The following SLC7A10 variants were observed in gnomAD, a reference collection of about 807,000 sequenced individuals.
The protein encoded by SLC7A10 is solute carrier family 7 member 10, also known as asc-type amino acid transporter 1.
Under a neutral mutation model 52.7 loss-of-function variants are expected in SLC7A10, and 30 were observed. That is an observed-to-expected ratio of 0.57 (90% CI 0.43 to 0.77). SLC7A10 has a LOEUF of 0.77. SLC7A10 is among the 30% of genes least tolerant of loss of function. The probability of loss-of-function intolerance (pLI) is 0.00; values close to 1 mark genes in which losing one functional copy is unlikely to be tolerated. For missense variants in SLC7A10, 581 were observed against 698.5 expected (o/e 0.83, Z 1.90); for synonymous variants, 318 against 314.9 (o/e 1.01, Z -0.10).
rs567892946 is a variant in SLC7A10 at position 33,216,208 on chromosome 19, C to T, written c.152-235G>A. 1.6e-4 allele frequency among the ~76,000 whole-genome samples: 24 copies of T among 152,316 alleles called. No individual in the cohort carries two copies. In the East Asian group the frequency reaches 2.5e-3, roughly 16 times the overall value. On this transcript the variant is annotated intron_variant, in intron 1 of 10. Transcript: ENST00000253188. ...GTCCCTCACATAGGAAATGGCACCTCGTTCAGCTGGCCAGGCCCCTCTGCC... is the reference window on the plus strand; with the variant it reads ...GTCCCTCACATAGGAAATGGCACCTTGTTCAGCTGGCCAGGCCCCTCTGCC...
chr19:33,218,349 G>A (rs1007872317), intron 1 of SLC7A10, among the ~76,000 whole-genome samples: 1 of 152,240 alleles, frequency 6.6e-6, no homozygotes, highest in African/African-American at 2.4e-5. Flanking sequence ...TCAGGCCACA[G>A]TTCAGGACTT....
rs764768779 is a variant in SLC7A10, at chr19:33,225,616, C to A, written c.88G>T (p.Ala30Ser). The A allele has an allele frequency of 9.4e-6, 15 of 1,592,948 alleles. No individual in the cohort carries two copies. The highest frequency in any genetic ancestry group is 1.1e-5 in the Non-Finnish European group (13 of 1,178,142). Residue 30 changes from alanine to serine, a missense_variant, in exon 1 of 11, where the codon GCC becomes TCC. Coordinates refer to ENST00000253188, the MANE Select transcript of SLC7A10 (RefSeq NM_019849.3). ...TTCTTGAGCGCCACCCGCTCCGAGG[C>A]GCCGGGGACGGTCCCTGGGACTGGG... The part of the protein sequence containing the change: ...PSPVPGTVPG[A>S]SERVALKKEI...
intron 1 of SLC7A10, chr19:33,217,997 C>T (rs1488549590): frequency 6.6e-6 from 1 of 152,300 alleles, no homozygotes; most frequent in East Asian, 1.9e-4. Flanking sequence ...TCTAAAGAGC[C>T]TTTGAGTTCC....
chr19:33,209,728 G>A lies in SLC7A10; in HGVS notation c.1264-243C>T, dbSNP rs1037109509. Among the ~76,000 whole-genome samples, 9 of 152,256 alleles carry A rather than the reference G, an allele frequency of 5.9e-5. No individual in the cohort carries two copies. The East Asian group carries it at 1.2e-3, about 20-fold the overall frequency. On this transcript the variant is annotated intron_variant, in intron 9 of 10. Coordinates refer to ENST00000253188, the MANE Select transcript of SLC7A10 (RefSeq NM_019849.3). ...TCAGCGGCACCGAGCTCCACACAGCGGTTGCGTGTGGACTTGAGGCTTGCA... is the reference window on the plus strand; with the variant it reads ...TCAGCGGCACCGAGCTCCACACAGCAGTTGCGTGTGGACTTGAGGCTTGCA...
Position 33,212,501 on chromosome 19 carries a change from G to A in SLC7A10, c.634+13C>T, listed in dbSNP as rs368280174. On this transcript the variant is annotated intron_variant, in intron 4 of 10. Transcript: ENST00000253188. ...ATCTCCCCAGCCCGGCCCTTACCCC[G>A]ACTCGGCCCTACCTTGGAAGATCTG... 1.6e-5 allele frequency: 26 copies of A among 1,613,800 alleles called. No individual in the cohort carries two copies. The highest frequency in any genetic ancestry group is 4.0e-5 in the African/African-American group (3 of 74,938).
chr19:33,209,005 C>G lies in SLC7A10; in HGVS notation c.1458G>C (p.Trp486Cys). 6.2e-7 allele frequency: 1 copy of G among 1,613,766 alleles called. No homozygotes were observed. The change falls in exon 11 of 11, where the codon TGG (tryptophan) becomes TGC (cysteine). Residue 486 changes from tryptophan (W) to cysteine (C), a missense_variant. Coordinates refer to ENST00000253188, the MANE Select transcript of SLC7A10 (RefSeq NM_019849.3). The part of the protein sequence containing the change: ...VHRLTESMTH[W>C]GQELCFVVYP... ...AGACCACGAAACACAGCTCCTGGCC[C>G]CAGTGTGTCATGGACTCTGAGGACA...
intron 1 of SLC7A10, among the ~76,000 whole-genome samples, chr19:33,218,582 G>A (rs1302702352): frequency 6.6e-6 from 1 of 151,844 alleles, no homozygotes; most frequent in East Asian, 1.9e-4. Context: ...TGGGCACGGA[G>A]GAGGGAGGGG....
At position 33,211,206 on chromosome 19, in the gene SLC7A10, G is replaced by A. The variant is rs374488923; in HGVS notation, c.1016+19C>T. ...CCCAGCCTTCCCTCCCCATGCCCAC[G>A]TCTCCCCAGTGCAGTCACCTGGAGT... On this transcript the variant is annotated intron_variant, in intron 7 of 10. Coordinates refer to ENST00000253188, the MANE Select transcript of SLC7A10 (RefSeq NM_019849.3). The A allele has an allele frequency of 3.1e-5, 50 of 1,609,642 alleles. No individual in the cohort carries two copies. The highest frequency in any genetic ancestry group is 2.7e-4 in the East Asian group (12 of 44,860).
At chr19:33,211,831 C>T in intron 5 of SLC7A10, 1 of 513,358 alleles carries the variant, frequency 1.9e-6, no homozygotes, top group Non-Finnish European at 3.5e-6. Context: ...CAAAATCAGC[C>T]TGGAAAATTC....
chr19:33,223,363 C>T (rs1420098309), intron 1 of SLC7A10, among the ~76,000 whole-genome samples: 1 of 151,236 alleles, frequency 6.6e-6, no homozygotes, highest in East Asian at 1.9e-4. Flanking sequence ...GGAAGCAGGA[C>T]GTCAAGTTCT....
intron 1 of SLC7A10, among the ~76,000 whole-genome samples, chr19:33,224,547 G>T (rs921839128): frequency 6.6e-6 from 1 of 152,110 alleles, no homozygotes; most frequent in Non-Finnish European, 1.5e-5. Context: ...GTCTGAGGGT[G>T]GGAAGGCAGT....
chr19:33,220,520 ACT>A (rs1287138675), intron 1 of SLC7A10, among the ~76,000 whole-genome samples: 1 of 151,916 alleles, frequency 6.6e-6, no homozygotes, highest in Non-Finnish European at 1.5e-5. Flanking sequence ...ATCTTGCTTG[ACT>A]TCCAGACACT....
At chr19:33,216,820 T>G (rs1974696204) in intron 1 of SLC7A10, among the ~76,000 whole-genome samples, 1 of 151,960 alleles carries the variant, frequency 6.6e-6, no homozygotes, top group East Asian at 1.9e-4. Flanking sequence ...CTGCAAGTGA[T>G]CCACCCGCCT....
chr19:33,215,225 G>A (rs573567635), intron 2 of SLC7A10, among the ~76,000 whole-genome samples: 41 of 144,840 alleles, frequency 2.8e-4, no homozygotes, highest in Admixed American at 2.3e-3. Context: ...CTGAGATCAC[G>A]CCATTGCACT....
chr19:33,215,750 G>A lies in SLC7A10; in HGVS notation c.356+19C>T, dbSNP rs1200023368. On this transcript the variant is annotated intron_variant, in intron 2 of 10. Coordinates refer to ENST00000253188, the MANE Select transcript of SLC7A10 (RefSeq NM_019849.3). ...TTCCCAAGAGGGTGTCCCCCTGCCCGCTGGTGCCCCACACTCACCCAGCCA... is the reference window on the plus strand; with the variant it reads ...TTCCCAAGAGGGTGTCCCCCTGCCCACTGGTGCCCCACACTCACCCAGCCA... 1.2e-5 allele frequency: 19 copies of A among 1,548,904 alleles called. No individual in the cohort carries two copies. Among genetic ancestry groups the A allele is most frequent in the East Asian group, 9.8e-5 (4 of 40,930 alleles).
chr19:33,225,718 G>A lies in SLC7A10; in HGVS notation c.-15C>T. The stretch of plus-strand genomic sequence containing the variant: ...TGGCCGGCCATGTCGCTGTCCCGCC[G>A]CGTCCCCGCTCCCTGCGCTGCCCCG... On this transcript the variant is annotated 5_prime_UTR_variant, in exon 1 of 11. Transcript: ENST00000253188. The A allele has an allele frequency of 6.6e-7, 1 of 1,510,280 alleles. No individual in the cohort carries two copies. Among genetic ancestry groups the A allele is most frequent in the South Asian group, 1.2e-5 (1 of 81,628 alleles). The allele number at this position is 1,510,280 out of a possible 1,614,324, so 93.6% of individuals were successfully genotyped here.
Position 33,209,468 on chromosome 19 carries a change from G to A in SLC7A10, c.1281C>T (p.Pro427=), listed in dbSNP as rs755736645. 16 of 1,613,770 alleles carry A rather than the reference G, an allele frequency of 9.9e-6. No individual in the cohort carries two copies. The Admixed American group carries it at 1.5e-4, about 15-fold the overall frequency. Residue 427 remains proline, a synonymous_variant, in exon 10 of 11, where the codon CCC becomes CCT. Coordinates refer to ENST00000253188, the MANE Select transcript of SLC7A10 (RefSeq NM_019849.3). Reference sequence around the variant, plus strand: ...AGGCCCAGAAGACCAAGTACGCCACGGGGATGAGAAGGTTCACCTGGGGAA... The same window carrying A: ...AGGCCCAGAAGACCAAGTACGCCACAGGGATGAGAAGGTTCACCTGGGGAA... ...HRPIKVNLLI[P]VAYLVFWAFL...
chr19:33,215,738 G>A, intron 2 of SLC7A10, 31 bp downstream of exon 2: 1 of 1,543,716 alleles, frequency 6.5e-7, no homozygotes, highest in Non-Finnish European at 8.7e-7. Context: ...CCAAGAGGGT[G>A]TCCCCCTGCC....
At chr19:33,215,136 C>T (rs951763113) in intron 2 of SLC7A10, among the ~76,000 whole-genome samples, 4 of 152,052 alleles carry the variant, frequency 2.6e-5, no homozygotes, top group East Asian at 1.9e-4. Context: ...GGCGTGGTGG[C>T]GGGCGCCTAT....
Sources: gnomAD v4.1 joint callset for allele counts (sites outside exome capture counted in the v4.1 genomes callset) on GRCh38, gnomAD v4.1.1 for gene constraint, MANE v1.5 for transcripts, NCBI Gene and HGNC (gene_info 2026-07-23, HGNC 2026-07-21) for gene names.